Variants in BNC2 observed in about 807,000 individuals in gnomAD.
BNC2 encodes the protein basonuclin zinc finger protein 2.
A neutral mutation model predicts 76.3 loss-of-function variants in BNC2; 20 were observed. That is an observed-to-expected ratio of 0.26 (90% CI 0.18 to 0.38). The LOEUF (loss-of-function observed/expected upper bound fraction) is 0.38, where lower values mean the gene tolerates loss of function less well. BNC2 is among the 10% of genes least tolerant of loss of function. The pLI is 1.00. For missense variants in BNC2, 1,382 were observed against 1,399.8 expected, an observed-to-expected ratio of 0.99 and a Z score of 0.20; for synonymous variants, 582 against 514.8, an observed-to-expected ratio of 1.13 and a Z score of -1.77.
At chr9:16,815,318 T>C (rs1384002933) in intron 1 of BNC2, among the ~76,000 whole-genome samples, 1 of 152,172 alleles carries the variant, frequency 6.6e-6, no homozygotes, top group Non-Finnish European at 1.5e-5. Flanking sequence ...TGTGCAAAGT[T>C]TGAAAAGATT....
chr9:16,779,131 A>AG (rs1324542110), intron 1 of BNC2, among the ~76,000 whole-genome samples: 6 of 8,184 alleles, frequency 7.3e-4, no homozygotes, highest in South Asian at 5.0e-3. Flanking sequence ...AAAAAAAAAA[A>AG]AAAGAAAAGA....
intron 5 of BNC2, among the ~76,000 whole-genome samples, chr9:16,455,378 C>T (rs1821424928): frequency 6.6e-6 from 1 of 152,154 alleles, no homozygotes. Flanking sequence ...TGAATATATC[C>T]ATTTAATTCT....
chr9:16,546,901 C>T (rs905623675), intron 5 of BNC2, among the ~76,000 whole-genome samples: 2 of 152,176 alleles, frequency 1.3e-5, no homozygotes, highest in African/African-American at 4.8e-5. Context: ...TCAAATCAAA[C>T]TTCAAAACAT....
At chr9:16,804,433 G>A (rs371748680) in intron 1 of BNC2, among the ~76,000 whole-genome samples, 7 of 152,204 alleles carry the variant, frequency 4.6e-5, no homozygotes, top group African/African-American at 1.7e-4. Context: ...AGACTCCACT[G>A]TCTTAGTATG....
chr9:16,760,136 C>CTTG (rs1338358423), intron 1 of BNC2, among the ~76,000 whole-genome samples: 1 of 152,094 alleles, frequency 6.6e-6, no homozygotes, highest in Non-Finnish European at 1.5e-5. Flanking sequence ...GGAGAGGGTC[C>CTTG]TATCAAAGAC....
At chr9:16,865,489 T>C (rs1003514132) in intron 1 of BNC2, among the ~76,000 whole-genome samples, 11 of 152,208 alleles carry the variant, frequency 7.2e-5, no homozygotes, top group African/African-American at 4.8e-5. Context: ...CTTTTTGTAA[T>C]TGTAAGTGAT....
In BNC2 at chr9:16,469,730, G is replaced by A. The variant is rs183282166; in HGVS notation, c.670-32206C>T. ...GAAGTTTGGAACTTCCTAGAGATGT[G>A]TTGAATGGCTTTGCCCAAAATGCTG... On this transcript the variant is annotated intron_variant, in intron 5 of 6. Coordinates refer to ENST00000380672, the MANE Select transcript of BNC2 (RefSeq NM_017637.6). Among the ~76,000 whole-genome samples the A allele has an allele frequency of 2.6e-5, 4 of 152,320 alleles. No individual in the cohort carries two copies. In the East Asian group the frequency reaches 7.7e-4, roughly 29 times the overall value.
At chr9:16,714,584 TCTC>T (rs1823944948) in intron 3 of BNC2, among the ~76,000 whole-genome samples, 1 of 152,244 alleles carries the variant, frequency 6.6e-6, no homozygotes, top group Non-Finnish European at 1.5e-5. Context: ...GTTGAGTTCT[TCTC>T]TGAAGTTTTG....
chr9:16,797,212 G>T (rs1817679207), intron 1 of BNC2, among the ~76,000 whole-genome samples: 1 of 151,926 alleles, frequency 6.6e-6, no homozygotes, highest in Non-Finnish European at 1.5e-5. Flanking sequence ...TCCCCAAAAA[G>T]TAACAAGCAA....
Position 16,415,744 on chromosome 9 carries a change from AT to A in BNC2, c.*3244del. The A allele has an allele frequency of 6.6e-6, 1 of 152,236 alleles. No homozygotes were observed. The highest frequency in any genetic ancestry group is 6.5e-5 in the Admixed American group (1 of 15,292). The allele number at this position is 152,236 out of a possible 1,614,324, so 9.4% of individuals were successfully genotyped here. ...AAACAGAAGAATTGTACATTTTATG[AT>A]TTTCCATTGCATGTACTACATCCAT... is the stretch of plus-strand genomic sequence containing the variant. On this transcript the variant is annotated 3_prime_UTR_variant, in exon 7 of 7. Transcript: ENST00000380672.
intron 3 of BNC2, among the ~76,000 whole-genome samples, chr9:16,652,064 T>A (rs1345726540): frequency 6.6e-6 from 1 of 152,224 alleles, no homozygotes; most frequent in Non-Finnish European, 1.5e-5. Flanking sequence ...GACATTGATA[T>A]ATCCTAAATA....
chr9:16,528,920 C>T (rs1050410833), intron 5 of BNC2, among the ~76,000 whole-genome samples: 1 of 152,178 alleles, frequency 6.6e-6, no homozygotes, highest in Non-Finnish European at 1.5e-5. Context: ...GAAACATATT[C>T]TCTCTCTGTT....
chr9:16,663,546 T>C (rs1457151377), intron 3 of BNC2, among the ~76,000 whole-genome samples: 2 of 152,200 alleles, frequency 1.3e-5, no homozygotes, highest in South Asian at 4.1e-4. Context: ...CTTCATGATC[T>C]CTAATATTAT....
intron 5 of BNC2, among the ~76,000 whole-genome samples, chr9:16,522,696 C>A (rs1817657031): frequency 1.3e-5 from 2 of 152,038 alleles, no homozygotes; most frequent in Non-Finnish European, 2.9e-5. Flanking sequence ...AACACTTATT[C>A]CCCCTTTCCA....
intron 3 of BNC2, among the ~76,000 whole-genome samples, chr9:16,593,002 A>T (rs1819975054): frequency 6.6e-6 from 1 of 152,198 alleles, no homozygotes; most frequent in South Asian, 2.1e-4. Flanking sequence ...TTGCGGGGCA[A>T]AAAAGCAAAA....
intron 4 of BNC2, among the ~76,000 whole-genome samples, chr9:16,568,089 T>C (rs966009559): frequency 6.6e-6 from 1 of 152,180 alleles, no homozygotes; most frequent in African/African-American, 2.4e-5. Context: ...ACAAGGCTAA[T>C]TGTTTCGAGA....
chr9:16,647,215 C>T (rs969365086), intron 3 of BNC2, among the ~76,000 whole-genome samples: 1 of 152,096 alleles, frequency 6.6e-6, no homozygotes, highest in Non-Finnish European at 1.5e-5. Context: ...CCAATTAACT[C>T]CACTCTTTGT....
chr9:16,668,039 T>C (rs1376556351), intron 3 of BNC2, among the ~76,000 whole-genome samples: 3 of 152,330 alleles, frequency 2.0e-5, no homozygotes, highest in East Asian at 3.9e-4. Context: ...CCAGACGCAA[T>C]GGTAAGTGCT....
chr9:16,751,198 TA>T (rs894056059), intron 1 of BNC2, among the ~76,000 whole-genome samples: 2 of 146,448 alleles, frequency 1.4e-5, no homozygotes, highest in African/African-American at 5.1e-5. Flanking sequence ...AACTGTGAAA[TA>T]AAAAAAACTA....
Sources: allele counts gnomAD v4.1 joint callset (sites outside exome capture counted in the v4.1 genomes callset), GRCh38; gene constraint gnomAD v4.1.1; transcripts MANE v1.5; gene names NCBI Gene and HGNC (gene_info 2026-07-23, HGNC 2026-07-21).